COL26A1: variants seen among roughly 807,000 people sequenced by gnomAD.
COL26A1 encodes the protein collagen type XXVI alpha 1 chain.
COL26A1 carries 41 observed loss-of-function variants against 59.3 expected under a neutral mutation model. That is an observed-to-expected ratio of 0.69 (90% confidence interval 0.54 to 0.90). The LOEUF (loss-of-function observed/expected upper bound fraction) is 0.90, where lower values mean the gene tolerates loss of function less well. COL26A1 is among the 40% of genes least tolerant of loss of function. The probability of loss-of-function intolerance (pLI) is 0.00; values close to 1 mark genes in which losing one functional copy is unlikely to be tolerated. For missense variants in COL26A1, 612 were observed against 602.3 expected, an observed-to-expected ratio of 1.02 and a Z score of -0.17; for synonymous variants, 266 against 256.0, an observed-to-expected ratio of 1.04 and a Z score of -0.37.
intron 1 of COL26A1, among the ~76,000 whole-genome samples, chr7:101,412,031 C>A (rs1281354222): frequency 3.3e-5 from 5 of 152,102 alleles, no homozygotes; most frequent in African/African-American, 9.7e-5. Flanking sequence ...TGAGATCAAC[C>A]CTCAAAGCAA....
chr7:101,472,205 C>T (rs563870087), intron 3 of COL26A1, among the ~76,000 whole-genome samples: 59 of 152,062 alleles, frequency 3.9e-4, no homozygotes, highest in Non-Finnish European at 8.8e-5. Context: ...GATGGTTTCA[C>T]CACGTTGCCA....
At chr7:101,407,338 G>A (rs999619042) in intron 1 of COL26A1, among the ~76,000 whole-genome samples, 16 of 152,100 alleles carry the variant, frequency 1.1e-4, no homozygotes, top group African/African-American at 1.7e-4. Context: ...ATATTCCTGA[G>A]GAACCTGTCC....
intron 5 of COL26A1, among the ~76,000 whole-genome samples, chr7:101,542,680 C>T (rs958667889): frequency 6.6e-5 from 10 of 152,154 alleles, no homozygotes; most frequent in African/African-American, 2.4e-4. Flanking sequence ...AGTGGCCAGT[C>T]CCAGGGCCGG....
chr7:101,372,830 T>C (rs1562952144), intron 1 of COL26A1, among the ~76,000 whole-genome samples: 1 of 151,928 alleles, frequency 6.6e-6, no homozygotes, highest in Non-Finnish European at 1.5e-5. Flanking sequence ...ACCCCGTCTC[T>C]ACCAAAAATA....
At chr7:101,497,694 T>C (rs1794619856) in intron 3 of COL26A1, among the ~76,000 whole-genome samples, 1 of 150,560 alleles carries the variant, frequency 6.6e-6, no homozygotes, top group Admixed American at 6.6e-5. Flanking sequence ...AATAAATAAA[T>C]AAAAGGCCAG....
intron 1 of COL26A1, among the ~76,000 whole-genome samples, chr7:101,418,994 TTCTCTCTC>T (rs148238686): frequency 2.0e-5 from 3 of 147,408 alleles, no homozygotes; most frequent in African/African-American, 7.5e-5. Context: ...CTTTCTTTCT[TTCTCTCTC>T]TCTCTCTCTC....
intron 7 of COL26A1, 143 bp from the exon 8 acceptor site, chr7:101,547,013 G>T: frequency 1.7e-6 from 1 of 584,912 alleles, no homozygotes; most frequent in South Asian, 2.1e-5. Context: ...GGGGGCAACA[G>T]TATCTGCAGC....
chr7:101,519,720 C>T lies in COL26A1; in HGVS notation c.386-13362C>T, dbSNP rs529098135. 1.2e-4 allele frequency among the ~76,000 whole-genome samples: 18 copies of T among 152,326 alleles called. No individual in the cohort carries two copies. The East Asian group carries it at 3.5e-3, about 29-fold the overall frequency. On this transcript the variant is annotated intron_variant, in intron 3 of 12. Coordinates refer to ENST00000313669, the MANE Select transcript of COL26A1 (RefSeq NM_001278563.3). Reference sequence around the variant, plus strand: ...ATCAGAGGCAGGGACCACCTGGACACTCTTTTAAAGCCCGTTCAACCTCGT... The same window carrying T: ...ATCAGAGGCAGGGACCACCTGGACATTCTTTTAAAGCCCGTTCAACCTCGT...
At chr7:101,369,471 CAG>C (rs1460569546) in intron 1 of COL26A1, among the ~76,000 whole-genome samples, 1 of 94,818 alleles carries the variant, frequency 1.1e-5, no homozygotes, top group African/African-American at 4.2e-5. Context: ...TTTTTTGAGA[CAG>C]AGTCTCGCTC....
At chr7:101,432,064 G>A (rs1306874905) in intron 2 of COL26A1, among the ~76,000 whole-genome samples, 1 of 150,938 alleles carries the variant, frequency 6.6e-6, no homozygotes, top group African/African-American at 2.4e-5. Flanking sequence ...GGGTTCAAGA[G>A]ATTCTCCTGC....
intron 3 of COL26A1, among the ~76,000 whole-genome samples, chr7:101,526,416 G>A (rs1795249734): frequency 6.6e-6 from 1 of 152,156 alleles, no homozygotes; most frequent in Non-Finnish European, 1.5e-5. Context: ...GGTGGCACTT[G>A]CCCTGCACAT....
At chr7:101,476,212 G>A (rs1438688197) in intron 3 of COL26A1, among the ~76,000 whole-genome samples, 1 of 151,444 alleles carries the variant, frequency 6.6e-6, no homozygotes, top group African/African-American at 2.4e-5. Context: ...TGGCCAGGCT[G>A]GTCTTGAACT....
At chr7:101,500,357 C>T (rs1794677055) in intron 3 of COL26A1, among the ~76,000 whole-genome samples, 1 of 152,200 alleles carries the variant, frequency 6.6e-6, no homozygotes, top group African/African-American at 2.4e-5. Context: ...CCATCTCGAT[C>T]CCAAACACTT....
Position 101,547,213 on chromosome 7 carries a change from G to C in COL26A1, c.914G>C (p.Gly305Ala). ...IVDTVLAGVP[G>A]PRGPPGPPGP... Reference sequence around the variant, plus strand: ...GACACAGTGCTGGCAGGTGTCCCAGGACCCCGGGGTCCCCCTGGTCCACCA... The same window carrying C: ...GACACAGTGCTGGCAGGTGTCCCAGCACCCCGGGGTCCCCCTGGTCCACCA... The change falls in exon 8 of 13, where the codon GGA (glycine) becomes GCA (alanine). Residue 305 changes from glycine (G) to alanine (A), a missense_variant. By Grantham distance (60) the Gly-to-Ala change is moderately conservative (BLOSUM62 0). Transcript: ENST00000313669. 1 of 1,589,498 alleles carries C rather than the reference G, an allele frequency of 6.3e-7. No individual in the cohort carries two copies.
chr7:101,467,227 T>C (rs1293406272), intron 3 of COL26A1, among the ~76,000 whole-genome samples: 3 of 151,902 alleles, frequency 2.0e-5, no homozygotes, highest in African/African-American at 7.3e-5. Context: ...ATCAAAGACA[T>C]GGACCCACAA....
Position 101,538,511 on chromosome 7 carries a change from T to A in COL26A1, c.448-1382T>A, listed in dbSNP as rs563046543. On this transcript the variant is annotated intron_variant, in intron 4 of 12. Transcript: ENST00000313669. Reference sequence around the variant, plus strand: ...ATTTGTGATGTCGCCGCAGTGACCCTCCCAGTTTCATGGACCCTTCTAAGG... The same window carrying A: ...ATTTGTGATGTCGCCGCAGTGACCCACCCAGTTTCATGGACCCTTCTAAGG... Among the ~76,000 whole-genome samples the A allele has an allele frequency of 4.6e-5, 7 of 152,240 alleles. No homozygotes were observed. The South Asian group carries it at 1.2e-3, about 27-fold the overall frequency.
At chr7:101,506,850 T>A (rs1317679932) in intron 3 of COL26A1, among the ~76,000 whole-genome samples, 1 of 152,082 alleles carries the variant, frequency 6.6e-6, no homozygotes, top group Non-Finnish European at 1.5e-5. Flanking sequence ...CCAACTTCCC[T>A]CTTAGGTGTG....
chr7:101,403,106 AGT>A (rs1482154575), intron 1 of COL26A1, among the ~76,000 whole-genome samples: 3 of 152,034 alleles, frequency 2.0e-5, no homozygotes, highest in African/African-American at 7.2e-5. Context: ...AGCCTCCCAA[AGT>A]GCTGGGATTA....
At chr7:101,366,492 TTTTTTTTTTTTTTTTTTTTTTTTTTA>T (rs1236530729) in intron 1 of COL26A1, among the ~76,000 whole-genome samples, 8 of 48,274 alleles carry the variant, frequency 1.7e-4, no homozygotes, top group African/African-American at 2.0e-4. Flanking sequence ...TTTTTTTTTT[TTTTTTTTTTTTTTTTTTTTTTTTTTA>T]AAGACAGGGT....
Sources: allele counts gnomAD v4.1 joint callset (sites outside exome capture counted in the v4.1 genomes callset), GRCh38; gene constraint gnomAD v4.1.1; transcripts MANE v1.5; gene names NCBI Gene and HGNC (gene_info 2026-07-23, HGNC 2026-07-21).